Variants in PRR16 observed in about 807,000 individuals in gnomAD.
PRR16 encodes protein Largen.
In PRR16, 6 loss-of-function variants were observed where a neutral mutation model predicts 18.2. The ratio of observed to expected loss-of-function variants is 0.33; its 90% CI spans 0.18 to 0.65. PRR16 has a LOEUF of 0.65. Among genes scored for constraint, PRR16 ranks in the 30% least tolerant of loss-of-function variants. The pLI is 0.74. For missense variants in PRR16, 412 were observed against 376.6 expected, an observed-to-expected ratio of 1.09 and a Z score of -0.78; for synonymous variants, 151 against 147.8, an observed-to-expected ratio of 1.02 and a Z score of -0.16.
chr5:120,598,591 T>C (rs1309807699), intron 1 of PRR16, among the ~76,000 whole-genome samples: 1 of 151,850 alleles, frequency 6.6e-6, no homozygotes, highest in Non-Finnish European at 1.5e-5. Context: ...CACTGCCCCC[T>C]CTAGTAGTCT....
chr5:120,732,395 T>C, the PRR16 span, among the ~76,000 whole-genome samples: 2 of 152,280 alleles, frequency 1.3e-5, no homozygotes, highest in South Asian at 2.1e-4. Context: ...TGCGGCTATA[T>C]AATTCTTTCC....
At chr5:120,781,211 T>C in the PRR16 span, 1 of 152,168 alleles carries the variant, frequency 6.6e-6, no homozygotes, top group African/African-American at 2.4e-5. Context: ...TCTATCCGCT[T>C]TCTCAGATTC....
At chr5:120,561,390 T>C (rs1453190052) in intron 1 of PRR16, among the ~76,000 whole-genome samples, 3 of 152,084 alleles carry the variant, frequency 2.0e-5, no homozygotes, top group South Asian at 4.1e-4. Context: ...CATTCATGAG[T>C]GTATTGTTTA....
At chr5:120,645,602 A>G (rs1042909913) in intron 1 of PRR16, among the ~76,000 whole-genome samples, 2 of 152,070 alleles carry the variant, frequency 1.3e-5, no homozygotes, top group Non-Finnish European at 2.9e-5. Context: ...TATTTGCTGC[A>G]AATTACTAGT....
the PRR16 span, among the ~76,000 whole-genome samples, chr5:120,771,415 A>G: frequency 2.6e-5 from 4 of 152,096 alleles, no homozygotes; most frequent in East Asian, 3.9e-4. Context: ...GCAGCATACT[A>G]TACACAAAAG....
At chr5:120,708,813 C>A in the PRR16 span, among the ~76,000 whole-genome samples, 1 of 151,896 alleles carries the variant, frequency 6.6e-6, no homozygotes, top group Non-Finnish European at 1.5e-5. Context: ...CATTATCAAA[C>A]GCATTTAGTT....
At chr5:120,764,915 A>AATTTGC in the PRR16 span, among the ~76,000 whole-genome samples, 1 of 151,966 alleles carries the variant, frequency 6.6e-6, no homozygotes, top group African/African-American at 2.4e-5. Flanking sequence ...CCTCCCCCCA[A>AATTTGC]ATTTGCATCA....
intron 1 of PRR16, among the ~76,000 whole-genome samples, chr5:120,564,232 G>A (rs912354995): frequency 6.6e-6 from 1 of 152,104 alleles, no homozygotes; most frequent in African/African-American, 2.4e-5. Flanking sequence ...GGGTGGTACA[G>A]GCATTCCCAA....
intron 1 of PRR16, among the ~76,000 whole-genome samples, chr5:120,510,081 G>C (rs17146710): frequency 0.023 from 3,505 of 152,238 alleles, 52 homozygotes; most frequent in South Asian, 0.032. Context: ...CCTTAGGTTA[G>C]AATGCACAAA....
chr5:120,510,112 G>A (rs1750783582), intron 1 of PRR16, among the ~76,000 whole-genome samples: 1 of 152,112 alleles, frequency 6.6e-6, no homozygotes. Flanking sequence ...TACACATTTT[G>A]CTTTAGCTGG....
the PRR16 span, among the ~76,000 whole-genome samples, chr5:120,757,052 C>A: frequency 6.6e-6 from 1 of 152,206 alleles, no homozygotes; most frequent in East Asian, 1.9e-4. Flanking sequence ...TCCAGCTATA[C>A]CAGCACAATT....
At chr5:120,543,508 G>A (rs991279032) in intron 1 of PRR16, among the ~76,000 whole-genome samples, 3 of 152,126 alleles carry the variant, frequency 2.0e-5, no homozygotes, top group Non-Finnish European at 4.4e-5. Flanking sequence ...TATACATTAT[G>A]TAGTAATTAA....
At chr5:120,615,132 C>T (rs913869062) in intron 1 of PRR16, among the ~76,000 whole-genome samples, 4 of 151,912 alleles carry the variant, frequency 2.6e-5, no homozygotes, top group Non-Finnish European at 5.9e-5. Flanking sequence ...ACTTAGTTAA[C>T]TCTCACATTA....
At chr5:120,504,211 C>G (rs746312235) in intron 1 of PRR16, among the ~76,000 whole-genome samples, 2 of 152,176 alleles carry the variant, frequency 1.3e-5, no homozygotes, top group Non-Finnish European at 2.9e-5. Context: ...TCTTCACCCA[C>G]TCTCTTCTTC....
chr5:120,605,923 C>T (rs1172017071), intron 1 of PRR16, among the ~76,000 whole-genome samples: 1 of 152,118 alleles, frequency 6.6e-6, no homozygotes, highest in African/African-American at 2.4e-5. Flanking sequence ...TTGGCAACAA[C>T]ACTCCAATGG....
At chr5:120,539,432 T>C (rs1260682755) in intron 1 of PRR16, among the ~76,000 whole-genome samples, 1 of 152,034 alleles carries the variant, frequency 6.6e-6, no homozygotes, top group African/African-American at 2.4e-5. Context: ...TATTCTGAAA[T>C]TTATTTAAAT....
rs72786234 is a variant in PRR16, at chr5:120,466,529, A to G, written c.159+1884A>G. On this transcript the variant is annotated intron_variant, in intron 1 of 1. Coordinates refer to ENST00000407149, the MANE Select transcript of PRR16 (RefSeq NM_001300783.2). Reference sequence around the variant, plus strand: ...TTTTGCACAGAATAAATGACAAGAAACTGCACATGGTCCTGGTTTTGCTTT... The same window carrying G: ...TTTTGCACAGAATAAATGACAAGAAGCTGCACATGGTCCTGGTTTTGCTTT... Among the ~76,000 whole-genome samples, 1,241 of 152,314 alleles carry G rather than the reference A, an allele frequency of 8.1e-3. 7 individuals carry two copies. The highest frequency in any genetic ancestry group is 0.018 in the Admixed American group (271 of 15,308).
chr5:120,555,533 T>C (rs1018691854), intron 1 of PRR16, among the ~76,000 whole-genome samples: 1 of 147,676 alleles, frequency 6.8e-6, no homozygotes, highest in African/African-American at 2.5e-5. Context: ...GTGGGAGAGA[T>C]AGAGAGAGAG....
intron 1 of PRR16, among the ~76,000 whole-genome samples, chr5:120,645,210 CTA>C (rs1451395783): frequency 6.6e-5 from 10 of 152,106 alleles, no homozygotes; most frequent in African/African-American, 2.4e-4. Context: ...TCTTCTTTGT[CTA>C]TGTCATCATA....
Sources: allele counts gnomAD v4.1 joint callset (sites outside exome capture counted in the v4.1 genomes callset), GRCh38; gene constraint gnomAD v4.1.1; transcripts MANE v1.5; gene names NCBI Gene and HGNC (gene_info 2026-07-23, HGNC 2026-07-21).